Variants in STARD13 observed in about 807,000 individuals in gnomAD.
The protein encoded by STARD13 is stAR-related lipid transfer protein 13.
A neutral mutation model predicts 106.4 loss-of-function variants in STARD13; 62 were observed. That is an observed-to-expected ratio of 0.58 (90% CI 0.48 to 0.72). The LOEUF is 0.72. STARD13 is among the 30% of genes least tolerant of loss of function. STARD13 has a pLI of 0.00. For missense variants in STARD13, 1,387 were observed against 1,424.0 expected (o/e 0.97, Z 0.42); for synonymous variants, 565 against 553.0 (o/e 1.02, Z -0.31).
chr13:33,271,999 A>T (rs1274920214), intron 1 of STARD13, among the ~76,000 whole-genome samples: 2 of 152,078 alleles, frequency 1.3e-5, no homozygotes, highest in African/African-American at 4.8e-5. Context: ...AGTTTATTTA[A>T]CTCCTGGAGA....
At chr13:33,314,488 T>A (rs1893256638) in intron 1 of STARD13, among the ~76,000 whole-genome samples, 1 of 152,188 alleles carries the variant, frequency 6.6e-6, no homozygotes, top group African/African-American at 2.4e-5. Context: ...GAAGGCCAGT[T>A]ATCTGAATCA....
chr13:33,283,022 T>C (rs1278194531), intron 1 of STARD13, among the ~76,000 whole-genome samples: 5 of 152,096 alleles, frequency 3.3e-5, no homozygotes, highest in Non-Finnish European at 7.4e-5. Context: ...AGAGTAAGAC[T>C]CTGTCTCAAA....
At chr13:33,392,173 A>G in the STARD13 span, among the ~76,000 whole-genome samples, 1 of 152,212 alleles carries the variant, frequency 6.6e-6, no homozygotes, top group South Asian at 2.1e-4. Flanking sequence ...GTCCTATAAT[A>G]TGCTTTGCTT....
At chr13:33,653,850 AT>A in the STARD13 span, among the ~76,000 whole-genome samples, 1 of 152,236 alleles carries the variant, frequency 6.6e-6, no homozygotes, top group Non-Finnish European at 1.5e-5. Flanking sequence ...GAGTAACGCA[AT>A]TTAAAAAATG....
chr13:33,344,573 A>G (rs1718310772), downstream of STARD13, among the ~76,000 whole-genome samples: 1 of 152,200 alleles, frequency 6.6e-6, no homozygotes, highest in Non-Finnish European at 1.5e-5. Context: ...TTGTGTTTAT[A>G]TCACTTCACA....
chr13:33,154,513 A>G (rs1881712381), intron 3 of STARD13, among the ~76,000 whole-genome samples: 1 of 152,236 alleles, frequency 6.6e-6, no homozygotes, highest in South Asian at 2.1e-4. Flanking sequence ...AAGAAAATAA[A>G]TGTAAATAAG....
chr13:33,170,593 A>G lies in STARD13; in HGVS notation c.170-2971T>C, dbSNP rs577948943. On this transcript the variant is annotated intron_variant, in intron 1 of 13. Transcript: ENST00000336934. ...GCAGGCACTTAAACTTTTAGACCTC[A>G]GGCTTAAATGACAACAAAACTGCAA... 3.9e-5 allele frequency among the ~76,000 whole-genome samples: 6 copies of G among 152,160 alleles called. No homozygotes were observed. The South Asian group carries it at 6.2e-4, about 16-fold the overall frequency.
the STARD13 span, among the ~76,000 whole-genome samples, chr13:33,481,863 G>T: frequency 6.7e-6 from 1 of 150,330 alleles, no homozygotes; most frequent in African/African-American, 2.5e-5. Context: ...GCGCCTGTAA[G>T]TCCCAGCTAC....
At chr13:33,518,280 T>C in the STARD13 span, among the ~76,000 whole-genome samples, 1 of 152,162 alleles carries the variant, frequency 6.6e-6, no homozygotes, top group Admixed American at 6.5e-5. Context: ...AAAATGAAGA[T>C]ACTTCAAGAG....
At chr13:33,316,356 T>G (rs913056978) in intron 1 of STARD13, among the ~76,000 whole-genome samples, 1 of 152,232 alleles carries the variant, frequency 6.6e-6, no homozygotes, top group Non-Finnish European at 1.5e-5. Context: ...ACAAAGCCTA[T>G]GGATTCATCT....
chr13:33,469,723 G>C, the STARD13 span, among the ~76,000 whole-genome samples: 1 of 152,060 alleles, frequency 6.6e-6, no homozygotes, highest in Admixed American at 6.6e-5. Context: ...AGAGGAAATT[G>C]ACACACATTA....
chr13:33,623,073 A>G, the STARD13 span, among the ~76,000 whole-genome samples: 1 of 152,294 alleles, frequency 6.6e-6, no homozygotes, highest in South Asian at 2.1e-4. Flanking sequence ...ACTCCAGTGT[A>G]GGCAGCAGAG....
intron 1 of STARD13, among the ~76,000 whole-genome samples, chr13:33,266,817 A>C (rs4941746): frequency 0.34 from 51,410 of 152,062 alleles, 8,991 homozygotes; most frequent in Admixed American, 0.38. Flanking sequence ...ACTTACTTAT[A>C]ATCTCCTTGA....
chr13:33,642,180 G>A, the STARD13 span, among the ~76,000 whole-genome samples: 1,171 of 152,268 alleles, frequency 7.7e-3, 15 homozygotes, highest in African/African-American at 0.027. Flanking sequence ...CTTTTCTGAC[G>A]TTTACCTAGG....
At chr13:33,146,719 A>T (rs1251800859) in intron 3 of STARD13, among the ~76,000 whole-genome samples, 1 of 152,224 alleles carries the variant, frequency 6.6e-6, no homozygotes, top group Non-Finnish European at 1.5e-5. Context: ...GTCAAAATCA[A>T]CTTTTTAAGA....
chr13:33,270,370 G>C (rs1340860464), intron 1 of STARD13, among the ~76,000 whole-genome samples: 1 of 152,172 alleles, frequency 6.6e-6, no homozygotes, highest in Non-Finnish European at 1.5e-5. Context: ...GGACAGCAAA[G>C]AGCTGGGTCT....
chr13:33,569,952 A>G, the STARD13 span, among the ~76,000 whole-genome samples: 2 of 147,450 alleles, frequency 1.4e-5, 1 homozygote, highest in East Asian at 4.0e-4. Flanking sequence ...AAAAGACCAC[A>G]TATTGGGTAC....
At chr13:33,620,060 AG>A in the STARD13 span, among the ~76,000 whole-genome samples, 1 of 152,106 alleles carries the variant, frequency 6.6e-6, no homozygotes, top group Non-Finnish European at 1.5e-5. Flanking sequence ...TCTGTCTCAA[AG>A]AAAAAAAAAG....
At chr13:33,322,349 G>C (rs767110279) in intron 1 of STARD13, among the ~76,000 whole-genome samples, 1 of 152,156 alleles carries the variant, frequency 6.6e-6, no homozygotes, top group Non-Finnish European at 1.5e-5. Flanking sequence ...TGTCCTACAG[G>C]CTCAAGGAGC....
Sources: allele counts gnomAD v4.1 joint callset (sites outside exome capture counted in the v4.1 genomes callset), GRCh38; gene constraint gnomAD v4.1.1; transcripts MANE v1.5; gene names NCBI Gene and HGNC (gene_info 2026-07-23, HGNC 2026-07-21).